Variants in DLG2 observed in about 807,000 individuals in gnomAD.
DLG2 encodes the protein disks large homolog 2.
Under a neutral mutation model 132.5 loss-of-function variants are expected in DLG2, and 45 were observed. The ratio of observed to expected loss-of-function variants is 0.34; its 90% CI spans 0.27 to 0.44. The LOEUF is 0.44. DLG2 is among the 20% of genes least tolerant of loss of function. The pLI is 1.00. For missense variants in DLG2, 1,045 were observed against 1,196.9 expected (o/e 0.87, Z 1.87); for synonymous variants, 424 against 419.6 (o/e 1.01, Z -0.13).
intron 6 of DLG2, among the ~76,000 whole-genome samples, chr11:84,541,089 T>C (rs1452114913): frequency 6.6e-6 from 1 of 151,804 alleles, no homozygotes; most frequent in Non-Finnish European, 1.5e-5. Context: ...ATACCTAATG[T>C]AAATGACGAG....
At chr11:85,271,377 G>A (rs1425017313) in intron 4 of DLG2, among the ~76,000 whole-genome samples, 1 of 152,248 alleles carries the variant, frequency 6.6e-6, no homozygotes, top group African/African-American at 2.4e-5. Context: ...GGGCACTCAT[G>A]CAGAACCTCT....
intron 6 of DLG2, among the ~76,000 whole-genome samples, chr11:84,637,826 C>A (rs1054059686): frequency 3.9e-5 from 6 of 152,188 alleles, no homozygotes; most frequent in African/African-American, 1.2e-4. Context: ...AAACATGACA[C>A]CCTGGCCAAG....
chr11:83,953,099 G>A lies in DLG2; in HGVS notation c.1340+9786C>T, dbSNP rs927627490. Among the ~76,000 whole-genome samples the A allele has an allele frequency of 5.3e-5, 8 of 152,024 alleles. No homozygotes were observed. The East Asian group carries it at 5.8e-4, about 11-fold the overall frequency. ...AATTACCTAGAAGTAAAAAATGAAC[G>A]ACATAACCCAAAACTTATGAAATTT... On this transcript the variant is annotated intron_variant, in intron 14 of 27. Coordinates refer to ENST00000376104, the MANE Select transcript of DLG2 (RefSeq NM_001142699.3).
chr11:83,523,612 A>G lies in DLG2; in HGVS notation c.2193+9096T>C, dbSNP rs2095536802. 2.6e-5 allele frequency among the ~76,000 whole-genome samples: 4 copies of G among 152,172 alleles called. No homozygotes were observed. In the South Asian group the frequency reaches 8.3e-4, roughly 32 times the overall value. ...CGGGCATATTTATAATATTTACCTC[A>G]CAGGGTTACTGTTAGGAGCAAATGA... On this transcript the variant is annotated intron_variant, in intron 21 of 27. Transcript: ENST00000376104.
intron 6 of DLG2, among the ~76,000 whole-genome samples, chr11:84,944,324 CA>C (rs1439819208): frequency 6.6e-6 from 1 of 152,134 alleles, no homozygotes; most frequent in African/African-American, 2.4e-5. Context: ...CTTTCTACCC[CA>C]AACTCTCCAT....
chr11:84,356,955 G>T (rs1025039918), intron 7 of DLG2, among the ~76,000 whole-genome samples: 1 of 152,086 alleles, frequency 6.6e-6, no homozygotes, highest in Non-Finnish European at 1.5e-5. Flanking sequence ...CTATTGGGTA[G>T]AAATCAGCTT....
intron 5 of DLG2, among the ~76,000 whole-genome samples, chr11:85,112,801 A>G (rs1178682566): frequency 4.6e-5 from 7 of 152,084 alleles, no homozygotes; most frequent in Non-Finnish European, 8.8e-5. Context: ...TCTGGTGCCC[A>G]TGTATGCTCT....
At chr11:85,112,512 T>C (rs987292188) in intron 5 of DLG2, among the ~76,000 whole-genome samples, 1 of 152,058 alleles carries the variant, frequency 6.6e-6, no homozygotes, top group African/African-American at 2.4e-5. Flanking sequence ...TACTTTATCT[T>C]TTATTTTTTT....
intron 6 of DLG2, among the ~76,000 whole-genome samples, chr11:84,874,725 A>C (rs1456223176): frequency 6.6e-6 from 1 of 152,146 alleles, no homozygotes; most frequent in Non-Finnish European, 1.5e-5. Flanking sequence ...AAAGACATAC[A>C]TAAGAAAGAT....
intron 6 of DLG2, among the ~76,000 whole-genome samples, chr11:84,772,807 G>T (rs1489102788): frequency 6.6e-6 from 1 of 151,990 alleles, no homozygotes; most frequent in East Asian, 1.9e-4. Context: ...GCGGTAAGAG[G>T]AAAGTTTACA....
chr11:83,610,746 G>A (rs2059998346), intron 19 of DLG2, among the ~76,000 whole-genome samples: 1 of 152,058 alleles, frequency 6.6e-6, no homozygotes, highest in African/African-American at 2.4e-5. Flanking sequence ...TGAACACTAT[G>A]CTAAGCATAT....
chr11:84,382,830 C>T (rs1304105884), intron 7 of DLG2, among the ~76,000 whole-genome samples: 2 of 151,628 alleles, frequency 1.3e-5, no homozygotes, highest in African/African-American at 4.9e-5. Flanking sequence ...ATATTAGTTG[C>T]ACCTCCTCTC....
chr11:85,132,410 C>T (rs374913791), intron 5 of DLG2, among the ~76,000 whole-genome samples: 1 of 152,046 alleles, frequency 6.6e-6, no homozygotes. Context: ...CTCAGAAAGA[C>T]TGCCCTGATA....
intron 3 of DLG2, among the ~76,000 whole-genome samples, chr11:85,488,388 A>G (rs1333873875): frequency 7.1e-6 from 1 of 141,820 alleles, no homozygotes; most frequent in Non-Finnish European, 1.5e-5. Flanking sequence ...GACTGCGTCT[A>G]AAAAAAAAAA....
intron 6 of DLG2, among the ~76,000 whole-genome samples, chr11:84,935,380 A>T (rs1207957040): frequency 1.3e-5 from 2 of 152,208 alleles, no homozygotes; most frequent in Non-Finnish European, 2.9e-5. Context: ...GTTTAAATAC[A>T]GTCCCAGATA....
chr11:85,361,675 G>A (rs1417065662), intron 3 of DLG2, among the ~76,000 whole-genome samples: 1 of 152,168 alleles, frequency 6.6e-6, no homozygotes, highest in Non-Finnish European at 1.5e-5. Flanking sequence ...TCCACAGCAT[G>A]TGCGTATATA....
chr11:85,022,943 A>G (rs2060208567), intron 6 of DLG2, among the ~76,000 whole-genome samples: 1 of 152,114 alleles, frequency 6.6e-6, no homozygotes, highest in Non-Finnish European at 1.5e-5. Context: ...ATCTTACCCA[A>G]CTTAGAAGAC....
intron 4 of DLG2, 147 bp from the exon 5 acceptor site, chr11:85,154,798 T>A: frequency 1.9e-6 from 1 of 531,804 alleles, no homozygotes; most frequent in Non-Finnish European, 3.3e-6. Context: ...ATGAATGTAC[T>A]ATCTAACCCA....
intron 18 of DLG2, among the ~76,000 whole-genome samples, chr11:83,786,123 C>T (rs2095047498): frequency 6.6e-6 from 1 of 152,116 alleles, no homozygotes; most frequent in African/African-American, 2.4e-5. Flanking sequence ...ATGGCTAATC[C>T]AATTTAGGAT....
Sources: allele counts gnomAD v4.1 joint callset (sites outside exome capture counted in the v4.1 genomes callset), GRCh38; gene constraint gnomAD v4.1.1; transcripts MANE v1.5; gene names NCBI Gene and HGNC (gene_info 2026-07-23, HGNC 2026-07-21).